The following DCC variants were observed in gnomAD, a reference collection of about 807,000 sequenced individuals.
DCC encodes DCC netrin 1 receptor, also known as netrin receptor DCC.
A neutral mutation model predicts 172.5 loss-of-function variants in DCC; 58 were observed. The ratio of observed to expected loss-of-function variants is 0.34; its 90% CI spans 0.27 to 0.42. DCC has a LOEUF of 0.42. DCC is among the 10% of genes least tolerant of loss of function. DCC has a pLI of 1.00. For missense variants in DCC, 1,740 were observed against 1,791.0 expected, an observed-to-expected ratio of 0.97 and a Z score of 0.51; for synonymous variants, 709 against 644.5, an observed-to-expected ratio of 1.10 and a Z score of -1.52.
chr18:52,630,153 C>T (rs997927068), intron 1 of DCC, among the ~76,000 whole-genome samples: 1 of 151,860 alleles, frequency 6.6e-6, no homozygotes, highest in African/African-American at 2.4e-5. Context: ...AAAACCTTTG[C>T]AAGAATAAAA....
chr18:53,006,421 C>T (rs995743060), intron 5 of DCC, among the ~76,000 whole-genome samples: 2 of 152,066 alleles, frequency 1.3e-5, no homozygotes, highest in Admixed American at 6.6e-5. Flanking sequence ...AGGGAAAATG[C>T]AACCTAATAA....
intron 1 of DCC, among the ~76,000 whole-genome samples, chr18:52,424,265 C>A (rs1237115857): frequency 6.6e-6 from 1 of 152,098 alleles, no homozygotes; most frequent in African/African-American, 2.4e-5. Context: ...CCACAATCAC[C>A]GTTCGTGCTG....
At chr18:53,463,934 A>G (rs774868495) in intron 24 of DCC, among the ~76,000 whole-genome samples, 1 of 152,230 alleles carries the variant, frequency 6.6e-6, no homozygotes, top group Non-Finnish European at 1.5e-5. Context: ...AATTTTATTG[A>G]GAGTTAATTT....
chr18:53,312,611 AG>A (rs2057288032), intron 13 of DCC, among the ~76,000 whole-genome samples: 2 of 151,196 alleles, frequency 1.3e-5, no homozygotes, highest in African/African-American at 4.9e-5. Flanking sequence ...AGGGCAGATC[AG>A]GAGGTCAGGA....
intron 1 of DCC, among the ~76,000 whole-genome samples, chr18:52,444,083 T>C (rs1292021607): frequency 6.6e-6 from 1 of 152,124 alleles, no homozygotes; most frequent in African/African-American, 2.4e-5. Flanking sequence ...CTGTGACCCA[T>C]TTAACCAAGG....
At chr18:52,431,858 C>G (rs1486104939) in intron 1 of DCC, among the ~76,000 whole-genome samples, 1 of 152,180 alleles carries the variant, frequency 6.6e-6, no homozygotes, top group Non-Finnish European at 1.5e-5. Flanking sequence ...CCCATTCTCT[C>G]TGAAGGGGAT....
chr18:53,291,536 G>A (rs1476146068), intron 12 of DCC, among the ~76,000 whole-genome samples: 1 of 152,132 alleles, frequency 6.6e-6, no homozygotes, highest in South Asian at 2.1e-4. Flanking sequence ...AAGGAAATAA[G>A]AAATAAGTGA....
chr18:53,048,616 G>A (rs1354043726), intron 5 of DCC, among the ~76,000 whole-genome samples: 1 of 149,564 alleles, frequency 6.7e-6, no homozygotes, highest in Non-Finnish European at 1.5e-5. Context: ...TAAAAAATGT[G>A]ATATATGATA....
chr18:53,515,845 A>G (rs1365917762), intron 27 of DCC, among the ~76,000 whole-genome samples: 2 of 152,072 alleles, frequency 1.3e-5, no homozygotes, highest in Non-Finnish European at 2.9e-5. Flanking sequence ...GGGTAGGAAG[A>G]ATCAATATCG....
At chr18:52,599,124 T>C (rs1053904944) in intron 1 of DCC, among the ~76,000 whole-genome samples, 2 of 152,076 alleles carry the variant, frequency 1.3e-5, no homozygotes, top group Non-Finnish European at 2.9e-5. Flanking sequence ...AGCAGGGTGA[T>C]TAGGGCATTA....
chr18:52,414,853 C>G (rs922170092), intron 1 of DCC, among the ~76,000 whole-genome samples: 6 of 152,190 alleles, frequency 3.9e-5, no homozygotes, highest in African/African-American at 1.2e-4. Context: ...GTTTATGCTT[C>G]CCTCTAACAC....
In DCC at chr18:52,342,582, T is replaced by C. The variant is rs570926822; in HGVS notation, c.91+1704T>C. ...CCCTCCTTCTGCCCAGAAGATTGAC[T>C]TGGGCTTTCTATAGCAGTTTGGGAG... On this transcript the variant is annotated intron_variant, in intron 1 of 28. Coordinates refer to ENST00000442544, the MANE Select transcript of DCC (RefSeq NM_005215.4). Among the ~76,000 whole-genome samples the C allele has an allele frequency of 4.7e-4, 72 of 152,268 alleles. 1 individual carries two copies. Among genetic ancestry groups the C allele is most frequent in the Non-Finnish European group, 9.3e-4 (63 of 68,022 alleles).
chr18:52,975,848 A>G (rs118134195), intron 5 of DCC, among the ~76,000 whole-genome samples: 3,252 of 152,266 alleles, frequency 0.021, 60 homozygotes, highest in Admixed American at 0.039. Flanking sequence ...TAATATAATG[A>G]TTTTTATTTC....
chr18:52,549,405 G>A (rs1265260168), intron 1 of DCC, among the ~76,000 whole-genome samples: 1 of 151,826 alleles, frequency 6.6e-6, no homozygotes, highest in Non-Finnish European at 1.5e-5. Context: ...CTCCTGTCTG[G>A]ACACTTACCT....
At chr18:52,343,796 C>T (rs1219225346) in intron 1 of DCC, among the ~76,000 whole-genome samples, 1 of 152,230 alleles carries the variant, frequency 6.6e-6, no homozygotes, top group Non-Finnish European at 1.5e-5. Flanking sequence ...TGGTCGCCCT[C>T]CCTAGGCGAC....
At chr18:52,911,293 T>C (rs1598921750) in intron 3 of DCC, among the ~76,000 whole-genome samples, 1 of 152,184 alleles carries the variant, frequency 6.6e-6, no homozygotes, top group East Asian at 1.9e-4. Flanking sequence ...TAAATGAACA[T>C]AGACAAGGAA....
At chr18:52,468,408 T>C (rs914864035) in intron 1 of DCC, among the ~76,000 whole-genome samples, 2 of 152,214 alleles carry the variant, frequency 1.3e-5, no homozygotes, top group African/African-American at 2.4e-5. Context: ...ACTCATTAGA[T>C]AATTTTGCAG....
In DCC at chr18:53,233,968, G is replaced by A. The variant is rs149084055; in HGVS notation, c.1911+18371G>A. Among the ~76,000 whole-genome samples, 840 of 151,682 alleles carry A rather than the reference G, an allele frequency of 5.5e-3. 5 individuals carry two copies. Among genetic ancestry groups the A allele is most frequent in the Non-Finnish European group, 9.3e-3 (632 of 67,896 alleles). ...GTCACTACTAAAAATACAAAAATTA[G>A]GACCAGGCGCAGTGGCTCATGCCTG... On this transcript the variant is annotated intron_variant, in intron 12 of 28. Transcript: ENST00000442544.
intron 27 of DCC, among the ~76,000 whole-genome samples, chr18:53,521,715 A>G (rs2046401045): frequency 6.6e-6 from 1 of 152,142 alleles, no homozygotes; most frequent in African/African-American, 2.4e-5. Flanking sequence ...CATGCATTGC[A>G]TGTGTTTGGT....
Sources: allele counts gnomAD v4.1 joint callset (sites outside exome capture counted in the v4.1 genomes callset), GRCh38; gene constraint gnomAD v4.1.1; transcripts MANE v1.5; gene names NCBI Gene and HGNC (gene_info 2026-07-23, HGNC 2026-07-21).